Variants in KALRN observed in about 807,000 individuals in gnomAD.
The protein encoded by KALRN is kalirin.
Under a neutral mutation model 353.7 loss-of-function variants are expected in KALRN, and 70 were observed. That is an observed-to-expected ratio of 0.20 (90% CI 0.16 to 0.24). The LOEUF (loss-of-function observed/expected upper bound fraction) is 0.24. KALRN is among the 10% of genes least tolerant of loss of function. The probability of loss-of-function intolerance (pLI) is 1.00; values close to 1 mark genes in which losing one functional copy is unlikely to be tolerated. For missense variants in KALRN, 2,791 were observed against 3,756.7 expected, an observed-to-expected ratio of 0.74 and a Z score of 6.72; for synonymous variants, 1,391 against 1,434.8, an observed-to-expected ratio of 0.97 and a Z score of 0.69.
In KALRN at chr3:124,422,881, A is replaced by G; in HGVS notation, c.2612A>G (p.His871Arg). Residue 871 changes from histidine to arginine, a missense_variant, in exon 15 of 60, where the codon CAT (histidine) becomes CGT (arginine). Physicochemically the swap from His to Arg is conservative, Grantham distance 29 (BLOSUM62 0). Coordinates refer to ENST00000682506, the MANE Select transcript of KALRN (RefSeq NM_001388419.1). ...AQVQELLEFL[H>R]EKQHELELNA... ...GTGCAAGAGTTATTGGAATTTCTCCATGAGAAGCAGCATGAATTGGAGCTC... is the reference window on the plus strand; with the variant it reads ...GTGCAAGAGTTATTGGAATTTCTCCGTGAGAAGCAGCATGAATTGGAGCTC... 3 of 1,613,970 alleles carry G rather than the reference A, an allele frequency of 1.9e-6. No homozygotes were observed. The highest frequency in any genetic ancestry group is 2.2e-5 in the South Asian group (2 of 91,084).
At chr3:124,261,833 G>A (rs1431813234) in intron 3 of KALRN, among the ~76,000 whole-genome samples, 11 of 152,010 alleles carry the variant, frequency 7.2e-5, no homozygotes, top group Non-Finnish European at 1.6e-4. Flanking sequence ...GACATAGTTG[G>A]GCATGCAACA....
intron 15 of KALRN, among the ~76,000 whole-genome samples, chr3:124,424,894 G>T (rs142206714): frequency 5.9e-5 from 9 of 152,144 alleles, no homozygotes; most frequent in African/African-American, 1.7e-4. Flanking sequence ...GCTCCCCAAG[G>T]CCTCTTGACT....
chr3:124,074,135 G>A (rs1339030491), intron 1 of KALRN, among the ~76,000 whole-genome samples: 3 of 152,086 alleles, frequency 2.0e-5, no homozygotes, highest in African/African-American at 7.2e-5. Flanking sequence ...GGGGTGCTGA[G>A]CTTACTCAGG....
At position 124,722,046 on chromosome 3, in the gene KALRN, G is replaced by A. The variant is rs2063363943; in HGVS notation, c.*2576G>A. ...TCCCAATATCCATAAAGTCCAGCTT[G>A]GCAAGTTCTGTTCTGTCCACTGTGG... is the stretch of plus-strand genomic sequence containing the variant. On this transcript the variant is annotated 3_prime_UTR_variant, in exon 60 of 60. Coordinates refer to ENST00000682506, the MANE Select transcript of KALRN (RefSeq NM_001388419.1). 1.3e-5 allele frequency: 2 copies of A among 152,304 alleles called. No individual in the cohort carries two copies. Among genetic ancestry groups the A allele is most frequent in the East Asian group, 3.9e-4 (2 of 5,174 alleles). The allele number at this position is 152,304 out of a possible 1,614,324, so 9.4% of individuals were successfully genotyped here.
chr3:124,345,377 A>C (rs2082161610), intron 9 of KALRN, among the ~76,000 whole-genome samples: 1 of 152,216 alleles, frequency 6.6e-6, no homozygotes, highest in African/African-American at 2.4e-5. Context: ...GTGAGATCTA[A>C]TTGTGGCAAG....
rs1218362477 is a variant in KALRN at position 124,495,955 on chromosome 3, GTGTATGTA to G, written c.4833-350_4833-343del. 1.1e-3 allele frequency among the ~76,000 whole-genome samples: 29 copies of G among 27,422 alleles called. 5 individuals are homozygous for G. In the East Asian group the frequency reaches 0.011, roughly 10 times the overall value. The allele number at this position is 27,422 out of a possible 152,430, so 18.0% of individuals were successfully genotyped here. A position where few individuals can be genotyped will look rare whatever the true frequency, so the allele number is the denominator to read the frequency against. ...CAGACCCGTTCCCAAGTGTGTGTAT[GTGTATGTA>G]TGTATATATATATATATATATATAT... On this transcript the variant is annotated intron_variant, in intron 32 of 59. Coordinates refer to ENST00000682506, the MANE Select transcript of KALRN (RefSeq NM_001388419.1).
chr3:124,207,434 G>A (rs910633680), intron 1 of KALRN, among the ~76,000 whole-genome samples: 8 of 152,174 alleles, frequency 5.3e-5, no homozygotes, highest in East Asian at 3.9e-4. Context: ...CCCGAAACTC[G>A]GGGGCTGGGG....
At chr3:124,661,001 G>C in intron 44 of KALRN, 28 bp downstream of exon 44, 1 of 1,521,610 alleles carries the variant, frequency 6.6e-7, no homozygotes. Flanking sequence ...AATGCTTGCT[G>C]TTCTTAGGGA....
chr3:124,178,810 T>G (rs1033786816), intron 1 of KALRN, among the ~76,000 whole-genome samples: 4 of 152,194 alleles, frequency 2.6e-5, no homozygotes, highest in African/African-American at 9.7e-5. Flanking sequence ...TAAATTTATT[T>G]AAATATTTTT....
At chr3:124,173,295 TAA>T (rs1285678189) in intron 1 of KALRN, among the ~76,000 whole-genome samples, 2 of 152,078 alleles carry the variant, frequency 1.3e-5, no homozygotes, top group Non-Finnish European at 2.9e-5. Context: ...AAAGAAAAAA[TAA>T]AAAGAGAAAG....
At chr3:124,220,851 G>T (rs909255247) in intron 1 of KALRN, among the ~76,000 whole-genome samples, 2 of 152,176 alleles carry the variant, frequency 1.3e-5, no homozygotes, top group Non-Finnish European at 2.9e-5. Flanking sequence ...ACTAACCTCA[G>T]CAGGGGCCAA....
rs2276740 is a variant in KALRN at position 124,329,917 on chromosome 3, C to T, written c.1341C>T (p.Ser447=). The T allele has an allele frequency of 0.086, 138,652 of 1,613,416 alleles. 6,590 individuals carry two copies. Among genetic ancestry groups the T allele is most frequent in the East Asian group, 0.15 (6,711 of 44,804 alleles). The change falls in exon 8 of 60, where the codon TCC becomes TCT. Residue 447 remains serine (S), a synonymous_variant. Coordinates refer to ENST00000682506, the MANE Select transcript of KALRN (RefSeq NM_001388419.1). ...CKMCSEGGLP[S]EMQDLELAIH... is the part of the protein sequence containing the mutation. ...TGTGCAGTGAAGGTGGTCTGCCATC[C>T]GAGATGCAAGACCTAGAGCTGGCAA...
At chr3:124,602,313 C>T (rs1459644871) in intron 34 of KALRN, among the ~76,000 whole-genome samples, 5 of 152,132 alleles carry the variant, frequency 3.3e-5, no homozygotes, top group Non-Finnish European at 5.9e-5. Context: ...CTTGAGTTAA[C>T]GATCCACTGA....
At chr3:124,713,251 C>T in intron 58 of KALRN, 116 bp downstream of exon 58, 2 of 737,940 alleles carry the variant, frequency 2.7e-6, no homozygotes, top group East Asian at 2.7e-5. Context: ...TTGCAAAGTG[C>T]TGCATATAAC....
intron 1 of KALRN, among the ~76,000 whole-genome samples, chr3:124,196,905 C>T (rs1292838033): frequency 1.5e-5 from 2 of 132,980 alleles, no homozygotes; most frequent in Non-Finnish European, 3.6e-5. Flanking sequence ...CAGGTGCTAT[C>T]ATTATGCTCA....
chr3:124,271,811 G>A (rs901676647), intron 5 of KALRN, among the ~76,000 whole-genome samples: 2 of 152,176 alleles, frequency 1.3e-5, no homozygotes, highest in African/African-American at 2.4e-5. Context: ...CTCTTTCTGT[G>A]CCATGGACTC....
intron 34 of KALRN, among the ~76,000 whole-genome samples, chr3:124,602,514 T>C (rs1396856041): frequency 6.6e-6 from 1 of 152,152 alleles, no homozygotes; most frequent in Non-Finnish European, 1.5e-5. Context: ...AATGAGAAAC[T>C]ATGATGAGTT....
intron 34 of KALRN, among the ~76,000 whole-genome samples, chr3:124,597,926 T>C (rs1404326083): frequency 6.6e-6 from 1 of 152,172 alleles, no homozygotes; most frequent in Non-Finnish European, 1.5e-5. Context: ...GTAGAGAAGA[T>C]AGTGAAGTGT....
At chr3:124,096,338 C>T (rs2061448294) in intron 1 of KALRN, among the ~76,000 whole-genome samples, 1 of 152,218 alleles carries the variant, frequency 6.6e-6, no homozygotes, top group Admixed American at 6.5e-5. Context: ...ACAAAGTACT[C>T]TTTAAATGGT....
Sources: allele counts gnomAD v4.1 joint callset (sites outside exome capture counted in the v4.1 genomes callset), GRCh38; gene constraint gnomAD v4.1.1; transcripts MANE v1.5; gene names NCBI Gene and HGNC (gene_info 2026-07-23, HGNC 2026-07-21).